RGL1: variants seen among roughly 807,000 people sequenced by gnomAD.
RGL1 encodes the protein ral guanine nucleotide dissociation stimulator like 1, also known as ral guanine nucleotide dissociation stimulator-like 1.
RGL1 carries 24 observed loss-of-function variants against 95.2 expected under a neutral mutation model. The observed-to-expected ratio is 0.25, with a 90% confidence interval of 0.18 to 0.35. The LOEUF (loss-of-function observed/expected upper bound fraction) is 0.35. Among genes scored for constraint, RGL1 ranks in the 10% least tolerant of loss-of-function variants. The pLI, the probability that RGL1 is intolerant of heterozygous loss-of-function variation, is 1.00. For synonymous variants in RGL1, 329 were observed against 344.9 expected (o/e 0.95, Z 0.51); for missense variants, 715 against 936.3 (o/e 0.76, Z 3.08).
chr1:183,802,352 T>C (rs1558214784), upstream of RGL1, among the ~76,000 whole-genome samples: 1 of 152,286 alleles, frequency 6.6e-6, no homozygotes, highest in East Asian at 1.9e-4. Flanking sequence ...TTGTAATATG[T>C]TTTCAAATCA....
intron 3 of RGL1, among the ~76,000 whole-genome samples, chr1:183,854,838 G>A (rs1213150397): frequency 2.0e-5 from 3 of 152,014 alleles, no homozygotes; most frequent in Non-Finnish European, 2.9e-5. Flanking sequence ...AACAAAAATA[G>A]CACCTAATTT....
intron 10 of RGL1, among the ~76,000 whole-genome samples, chr1:183,899,146 C>G (rs1035799453): frequency 5.9e-5 from 9 of 152,198 alleles, no homozygotes; most frequent in Non-Finnish European, 1.2e-4. Context: ...AGAAAAGCTG[C>G]AAAGCTAGAA....
At chr1:183,902,543 C>T (rs1668089587) in intron 11 of RGL1, 25 bp from the exon 12 acceptor site, 1 of 1,600,760 alleles carries the variant, frequency 6.2e-7, no homozygotes, top group Non-Finnish European at 8.5e-7. Flanking sequence ...TGGTTGCTCA[C>T]TCTTTTTATT....
chr1:183,724,072 A>G lies in RGL1; in HGVS notation c.-32-18054A>G, dbSNP rs1165375350. On this transcript the variant is annotated intron_variant, in intron 1 of 18. Coordinates refer to the RGL1 transcript ENST00000304685. The surrounding 1 kb of genome is among the most constrained non-coding windows in gnomAD (Gnocchi z 4.1). Reference sequence around the variant, plus strand: ...CACACCCTGGGCCAGAAGCAAACTCATTGCCTTGAAGGGAAGAGCCCAGTC... The same window carrying G: ...CACACCCTGGGCCAGAAGCAAACTCGTTGCCTTGAAGGGAAGAGCCCAGTC... Among the ~76,000 whole-genome samples the G allele has an allele frequency of 2.0e-5, 3 of 152,128 alleles. No homozygotes were observed. The highest frequency in any genetic ancestry group is 4.4e-5 in the Non-Finnish European group (3 of 68,002).
At chr1:183,679,037 T>C (rs1369485301) in intron 1 of RGL1, among the ~76,000 whole-genome samples, 1 of 152,150 alleles carries the variant, frequency 6.6e-6, no homozygotes, top group Non-Finnish European at 1.5e-5. Context: ...GTCCTAAGCA[T>C]ATCAGAGGGA....
At chr1:183,790,051 G>C (rs1403907002) in intron 2 of RGL1, among the ~76,000 whole-genome samples, 1 of 151,810 alleles carries the variant, frequency 6.6e-6, no homozygotes, top group East Asian at 1.9e-4. Flanking sequence ...CTCCCGAGTA[G>C]CTGGGATTAC....
At chr1:183,837,353 A>G (rs1663736138) in intron 2 of RGL1, among the ~76,000 whole-genome samples, 1 of 152,148 alleles carries the variant, frequency 6.6e-6, no homozygotes, top group Admixed American at 6.5e-5. Flanking sequence ...ACAAAAACAG[A>G]ATGGACTCAA....
At chr1:183,669,500 G>A (rs1169854965) in intron 1 of RGL1, among the ~76,000 whole-genome samples, 2 of 152,096 alleles carry the variant, frequency 1.3e-5, no homozygotes, top group Non-Finnish European at 2.9e-5. Flanking sequence ...TACCATATGC[G>A]ATTCTGTCCA....
intron 1 of RGL1, chr1:183,646,758 C>T (rs1650320697): frequency 1.3e-5 from 2 of 152,200 alleles, no homozygotes. Context: ...GTGAAGCAGG[C>T]TTTCAGCTGG....
Position 183,904,877 on chromosome 1 carries a change from C to T in RGL1, c.1378C>T (p.Leu460Phe). ...ATTTGAAGTGATTGCCCAGATAAAGCTCTTACAGTCTGCCTGCAACAGCTA... is the reference window on the plus strand; with the variant it reads ...ATTTGAAGTGATTGCCCAGATAAAGTTCTTACAGTCTGCCTGCAACAGCTA... Reference protein sequence around the residue: ...REFEVIAQIKLLQSACNSYCM... With the variant: ...REFEVIAQIKFLQSACNSYCM... The change falls in exon 13 of 18, where the codon CTC becomes TTC. Residue 460 changes from leucine (L) to phenylalanine (F), a missense_variant. Coordinates refer to ENST00000360851, the MANE Select transcript of RGL1 (RefSeq NM_001297671.3). 6.2e-7 allele frequency: 1 copy of T among 1,613,154 alleles called. No homozygotes were observed. The highest frequency in any genetic ancestry group is 8.5e-7 in the Non-Finnish European group (1 of 1,179,668).
intron 2 of RGL1, among the ~76,000 whole-genome samples, chr1:183,781,845 A>C (rs949724021): frequency 6.6e-6 from 1 of 152,190 alleles, no homozygotes; most frequent in Admixed American, 6.5e-5. Context: ...GGACATATTG[A>C]TGTATTTTTA....
intron 1 of RGL1, among the ~76,000 whole-genome samples, chr1:183,642,431 GT>G (rs1649987471): frequency 6.6e-6 from 1 of 152,048 alleles, no homozygotes; most frequent in Non-Finnish European, 1.5e-5. Context: ...AGATTCTGGG[GT>G]TTGTGCATTT....
chr1:183,636,953 A>C (rs887153545), intron 1 of RGL1, among the ~76,000 whole-genome samples: 1 of 152,206 alleles, frequency 6.6e-6, no homozygotes, highest in Non-Finnish European at 1.5e-5. Context: ...CGAGCAGAAG[A>C]CTGGCTGTTG....
intron 1 of RGL1, among the ~76,000 whole-genome samples, chr1:183,710,858 CAGA>C (rs1655220486): frequency 6.6e-6 from 1 of 152,188 alleles, no homozygotes; most frequent in South Asian, 2.1e-4. Flanking sequence ...ACCAGGATCA[CAGA>C]AGTAGTGGAA....
At chr1:183,902,773 G>A (rs1163205085) in intron 12 of RGL1, among the ~76,000 whole-genome samples, 173 bp downstream of exon 12, 1 of 152,066 alleles carries the variant, frequency 6.6e-6, no homozygotes, top group Non-Finnish European at 1.5e-5. Context: ...CTAGCCTTAT[G>A]AGGTAGGTTT....
chr1:183,800,662 CCT>C (rs565680947), upstream of RGL1, among the ~76,000 whole-genome samples: 14 of 152,116 alleles, frequency 9.2e-5, no homozygotes, highest in Non-Finnish European at 1.9e-4. Flanking sequence ...CTCATCTGCC[CCT>C]CTCTCCAGCC....
At chr1:183,643,262 T>G (rs111260786) in intron 1 of RGL1, among the ~76,000 whole-genome samples, 7,371 of 136,464 alleles carry the variant, frequency 0.054, 239 homozygotes, top group Non-Finnish European at 0.07. Flanking sequence ...GGTCCTGTTT[T>G]TTTATTTATT....
intron 2 of RGL1, among the ~76,000 whole-genome samples, chr1:183,834,648 T>C (rs967717226): frequency 1.3e-5 from 2 of 152,146 alleles, no homozygotes; most frequent in Non-Finnish European, 1.5e-5. Context: ...AGTACCTCAT[T>C]TGAGTTCTTG....
chr1:183,830,580 A>G (rs1290108273), intron 2 of RGL1, among the ~76,000 whole-genome samples: 2 of 152,182 alleles, frequency 1.3e-5, no homozygotes, highest in South Asian at 2.1e-4. Context: ...TGGCATCTAC[A>G]TCAGATAGAA....
Sources: allele counts gnomAD v4.1 joint callset (sites outside exome capture counted in the v4.1 genomes callset), GRCh38; gene constraint gnomAD v4.1.1; non-coding constraint Gnocchi (gnomAD v3.1); transcripts MANE v1.5; gene names NCBI Gene and HGNC (gene_info 2026-07-23, HGNC 2026-07-21).